The following CDH6 variants were observed in gnomAD, a reference collection of about 807,000 sequenced individuals.
CDH6 encodes the protein cadherin-6.
CDH6 carries 31 observed loss-of-function variants against 78.0 expected under a neutral mutation model. The ratio of observed to expected loss-of-function variants is 0.40; its 90% CI spans 0.30 to 0.54. CDH6 has a LOEUF of 0.54. CDH6 is among the 20% of genes least tolerant of loss of function. The pLI is 0.56. For synonymous variants in CDH6, 376 were observed against 368.8 expected, an observed-to-expected ratio of 1.02 and a Z score of -0.23; for missense variants, 724 against 975.9, an observed-to-expected ratio of 0.74 and a Z score of 3.44.
At chr5:31,303,279 TAAAC>T (rs955427628) in intron 6 of CDH6, among the ~76,000 whole-genome samples, 1 of 151,994 alleles carries the variant, frequency 6.6e-6, no homozygotes, top group Non-Finnish European at 1.5e-5. Flanking sequence ...AGGAGCCAAG[TAAAC>T]AAACAAACAA....
At position 31,199,497 on chromosome 5, in the gene CDH6, CAT is replaced by C. The variant is rs1335712908; in HGVS notation, c.-129+5614_-129+5615del. On this transcript the variant is annotated intron_variant, in intron 1 of 11. Coordinates refer to ENST00000265071, the MANE Select transcript of CDH6 (RefSeq NM_004932.4). Reference sequence around the variant, plus strand: ...ACATATGTGTATATATGTACACACACATATGTGTATATATATGTACACACACA... The same window carrying C: ...ACATATGTGTATATATGTACACACACATGTGTATATATATGTACACACACA... Among the ~76,000 whole-genome samples the C allele has an allele frequency of 4.8e-4, 52 of 108,928 alleles. No individual in the cohort carries two copies. In the East Asian group the frequency reaches 7.3e-3, roughly 15 times the overall value. The allele number at this position is 108,928 out of a possible 152,430, so 71.5% of individuals were successfully genotyped here.
intron 1 of CDH6, among the ~76,000 whole-genome samples, chr5:31,196,287 C>T (rs919842112): frequency 6.6e-6 from 1 of 152,160 alleles, no homozygotes; most frequent in Non-Finnish European, 1.5e-5. Context: ...AGCACAGCTA[C>T]AGTCACAGGG....
chr5:31,254,584 A>G (rs1742001051), intron 1 of CDH6, among the ~76,000 whole-genome samples: 1 of 152,200 alleles, frequency 6.6e-6, no homozygotes. Flanking sequence ...GTTCGATACT[A>G]TCCTTGATTT....
intron 5 of CDH6, among the ~76,000 whole-genome samples, chr5:31,301,437 A>T (rs10053975): frequency 0.018 from 2,668 of 152,206 alleles, 86 homozygotes; most frequent in African/African-American, 0.061. Context: ...ACAGGAGCAT[A>T]TTTTTTTTAA....
intron 2 of CDH6, among the ~76,000 whole-genome samples, chr5:31,274,573 A>G (rs985172537): frequency 1.3e-5 from 2 of 152,232 alleles, no homozygotes; most frequent in Non-Finnish European, 2.9e-5. Flanking sequence ...TAATCCCAGC[A>G]CTTTGGGAGG....
intron 1 of CDH6, 146 bp from the exon 2 acceptor site, chr5:31,267,200 C>A (rs1742385893): frequency 4.6e-6 from 2 of 438,950 alleles, no homozygotes; most frequent in Non-Finnish European, 8.2e-6. Flanking sequence ...GTCTGGAAGA[C>A]CGTCTCCTTC....
At chr5:31,291,044 AT>A (rs1224130669) in intron 2 of CDH6, among the ~76,000 whole-genome samples, 2 of 152,328 alleles carry the variant, frequency 1.3e-5, no homozygotes, top group South Asian at 4.1e-4. Context: ...TTTTACCTGA[AT>A]AAATCTTGTG....
chr5:31,216,095 T>C (rs1360108403), intron 1 of CDH6, among the ~76,000 whole-genome samples: 1 of 152,180 alleles, frequency 6.6e-6, no homozygotes, highest in Non-Finnish European at 1.5e-5. Flanking sequence ...CATGCATTTA[T>C]GTACACATTC....
At chr5:31,255,485 C>T (rs896955935) in intron 1 of CDH6, among the ~76,000 whole-genome samples, 18 of 152,094 alleles carry the variant, frequency 1.2e-4, no homozygotes, top group African/African-American at 2.4e-4. Context: ...AAATGTTTTG[C>T]GTGATATTTT....
intron 1 of CDH6, among the ~76,000 whole-genome samples, chr5:31,205,458 C>A (rs1579811218): frequency 6.6e-6 from 1 of 152,168 alleles, no homozygotes; most frequent in African/African-American, 2.4e-5. Flanking sequence ...GGTTGGTATT[C>A]AACATTGTTG....
At chr5:31,217,345 A>G (rs1172951274) in intron 1 of CDH6, among the ~76,000 whole-genome samples, 4 of 152,178 alleles carry the variant, frequency 2.6e-5, no homozygotes, top group African/African-American at 7.2e-5. Context: ...AAGGTTATTC[A>G]AAAAAAGAAA....
chr5:31,268,928 G>A (rs533805049), intron 2 of CDH6, among the ~76,000 whole-genome samples: 1 of 152,312 alleles, frequency 6.6e-6, no homozygotes, highest in South Asian at 2.1e-4. Context: ...GAAGTATTCA[G>A]TGAAGGGGTG....
intron 1 of CDH6, among the ~76,000 whole-genome samples, chr5:31,219,332 G>A (rs962475883): frequency 7.9e-5 from 12 of 152,128 alleles, no homozygotes; most frequent in African/African-American, 2.4e-4. Context: ...GGTAGAGAGA[G>A]ACAGAGAGAT....
At chr5:31,253,302 G>A (rs893485431) in intron 1 of CDH6, among the ~76,000 whole-genome samples, 1 of 152,174 alleles carries the variant, frequency 6.6e-6, no homozygotes, top group African/African-American at 2.4e-5. Flanking sequence ...TCATGATAAT[G>A]AGTGAGTTCT....
At position 31,313,398 on chromosome 5, in the gene CDH6, T is replaced by C. The variant is rs957646178; in HGVS notation, c.1334T>C (p.Leu445Pro). 1 of 1,614,070 alleles carries C rather than the reference T, an allele frequency of 6.2e-7. No individual in the cohort carries two copies. Among genetic ancestry groups the C allele is most frequent in the Admixed American group, 1.7e-5 (1 of 60,028 alleles). ...AATGGTTCGATTTTTACATCGAAAC[T>C]TCTTGACCGAGAAACACTGCTATGG... Reference protein sequence around the residue: ...SGNGSIFTSKLLDRETLLWHN... With the variant: ...SGNGSIFTSKPLDRETLLWHN... Residue 445 changes from leucine (L) to proline (P), a missense_variant, in exon 8 of 12, where the codon CTT (leucine) becomes CCT (proline). Physicochemically the swap from Leu to Pro is moderately conservative, Grantham distance 98. This residue lies in a region of CDH6 where 446 missense variants were observed against 684.5 expected (regional missense o/e 0.65). Coordinates refer to ENST00000265071, the MANE Select transcript of CDH6 (RefSeq NM_004932.4).
intron 2 of CDH6, among the ~76,000 whole-genome samples, chr5:31,289,028 A>G (rs1366876897): frequency 6.6e-6 from 1 of 152,102 alleles, no homozygotes; most frequent in Non-Finnish European, 1.5e-5. Flanking sequence ...TTACGTGAGT[A>G]TTACACGTGT....
intron 2 of CDH6, among the ~76,000 whole-genome samples, chr5:31,271,010 G>A (rs1379971613): frequency 6.6e-6 from 1 of 152,190 alleles, no homozygotes; most frequent in Non-Finnish European, 1.5e-5. Flanking sequence ...CATTCAAGCA[G>A]ATTACTACTA....
At chr5:31,313,261 A>C in intron 7 of CDH6, 57 bp from the exon 8 acceptor site, 1 of 1,482,612 alleles carries the variant, frequency 6.7e-7, no homozygotes. Flanking sequence ...ATGTTCTATG[A>C]TGTGAGAATA....
chr5:31,282,376 G>A (rs184261848), intron 2 of CDH6, among the ~76,000 whole-genome samples: 1 of 152,094 alleles, frequency 6.6e-6, no homozygotes, highest in Non-Finnish European at 1.5e-5. Context: ...GAAGCATAGA[G>A]ACTTCAAATT....
Sources: allele counts gnomAD v4.1 joint callset (sites outside exome capture counted in the v4.1 genomes callset), GRCh38; gene constraint gnomAD v4.1.1; regional missense constraint gnomAD v4.1.1; transcripts MANE v1.5; gene names NCBI Gene and HGNC (gene_info 2026-07-23, HGNC 2026-07-21).